FNDC3B: variants seen among roughly 807,000 people sequenced by gnomAD.
The protein encoded by FNDC3B is fibronectin type III domain-containing protein 3B.
FNDC3B carries 12 observed loss-of-function variants against 151.5 expected under a neutral mutation model. That is an observed-to-expected ratio of 0.08 (90% CI 0.05 to 0.13). The LOEUF is 0.13. FNDC3B is among the 10% of genes least tolerant of loss of function. The probability of loss-of-function intolerance (pLI) is 1.00; values close to 1 mark genes in which losing one functional copy is unlikely to be tolerated. For missense variants in FNDC3B, 1,214 were observed against 1,505.3 expected (o/e 0.81, Z 3.20); for synonymous variants, 528 against 549.0 (o/e 0.96, Z 0.54).
At chr3:172,210,648 G>A (rs1176434023) in intron 3 of FNDC3B, among the ~76,000 whole-genome samples, 1 of 152,090 alleles carries the variant, frequency 6.6e-6, no homozygotes, top group East Asian at 1.9e-4. Flanking sequence ...GAGTCACCGT[G>A]CCTGGCAAAA....
chr3:172,083,046 G>A (rs1293264437), intron 1 of FNDC3B, among the ~76,000 whole-genome samples: 3 of 152,184 alleles, frequency 2.0e-5, no homozygotes, highest in Admixed American at 1.3e-4. Context: ...CAAGTGTGGT[G>A]TGTAAGCTTA....
rs9843546 is a variant in FNDC3B at position 172,326,838 on chromosome 3, C to T, written c.1255-2114C>T. Among the ~76,000 whole-genome samples, 1,462 of 151,888 alleles carry T rather than the reference C, an allele frequency of 9.6e-3. 32 individuals carry two copies. The highest frequency in any genetic ancestry group is 0.034 in the African/African-American group (1,392 of 41,354). ...TTTTTTTACTGGCTACAGTTCTAAG[C>T]ACAAGAAAAGGGGAAAGGAGACCAA... is the stretch of plus-strand genomic sequence containing the variant. On this transcript the variant is annotated intron_variant, in intron 11 of 25. Coordinates refer to ENST00000415807, the MANE Select transcript of FNDC3B (RefSeq NM_022763.4).
intron 11 of FNDC3B, among the ~76,000 whole-genome samples, chr3:172,311,710 CAAA>C (rs58156426): frequency 0.023 from 2,755 of 121,462 alleles, 84 homozygotes; most frequent in African/African-American, 0.076. Flanking sequence ...ACTAAAAATA[CAAA>C]AAAAAAAAAA....
intron 9 of FNDC3B, chr3:172,302,592 T>G (rs555309285): frequency 1.3e-5 from 2 of 152,330 alleles, no homozygotes; most frequent in East Asian, 3.9e-4. Context: ...TCTCCTAATC[T>G]CCTAGTGGTG....
chr3:172,044,265 A>G (rs1455072163), intron 1 of FNDC3B, among the ~76,000 whole-genome samples: 2 of 131,770 alleles, frequency 1.5e-5, no homozygotes. Context: ...TTTGTATGGA[A>G]TAGTGAAAAT....
chr3:172,388,874 C>T (rs974141174), intron 25 of FNDC3B, among the ~76,000 whole-genome samples: 1 of 152,156 alleles, frequency 6.6e-6, no homozygotes, highest in African/African-American at 2.4e-5. Flanking sequence ...TATAATATAT[C>T]ATGTTGACAT....
In FNDC3B at chr3:172,353,034, A is replaced by G; in HGVS notation, c.2746A>G (p.Asn916Asp). 5 of 1,614,126 alleles carry G rather than the reference A, an allele frequency of 3.1e-6. No homozygotes were observed. Among genetic ancestry groups the G allele is most frequent in the Non-Finnish European group, 4.2e-6 (5 of 1,180,000 alleles). ...AGGAGACACTAGCATTACCGTGGGC[A>G]ACACCACCATGCATGTTATGAAAGA... ...DLGDTSITVG[N>D]TTMHVMKDLL... The change falls in exon 22 of 26, where the codon AAC becomes GAC. Residue 916 changes from asparagine (N) to aspartate (D), a missense_variant. Asn to Asp is a conservative substitution (Grantham distance 23). Transcript: ENST00000415807.
chr3:172,200,328 T>TA (rs374888994), intron 3 of FNDC3B, among the ~76,000 whole-genome samples: 1 of 152,360 alleles, frequency 6.6e-6, no homozygotes, highest in East Asian at 1.9e-4. Context: ...TGTTTTCTCT[T>TA]ATCAATGTTA....
chr3:172,206,684 A>AAAAAAAAAAAAAAAG (rs1553772985), intron 3 of FNDC3B, among the ~76,000 whole-genome samples: 5 of 139,454 alleles, frequency 3.6e-5, no homozygotes, highest in African/African-American at 1.1e-4. Context: ...AAAAAAAAAA[A>AAAAAAAAAAAAAAAG]AAAGTATATT....
At chr3:172,360,804 C>G (rs1384471296) in intron 22 of FNDC3B, among the ~76,000 whole-genome samples, 5 of 152,196 alleles carry the variant, frequency 3.3e-5, no homozygotes, top group Admixed American at 6.5e-5. Flanking sequence ...CTTCTCTTCA[C>G]TGGTACCACA....
At chr3:172,074,110 T>C (rs1717901226) in intron 1 of FNDC3B, among the ~76,000 whole-genome samples, 1 of 152,312 alleles carries the variant, frequency 6.6e-6, no homozygotes, top group Middle Eastern at 3.4e-3. Context: ...TGCAAATGAA[T>C]TGACAAGTGT....
chr3:172,171,795 A>G (rs1049457735), intron 3 of FNDC3B, among the ~76,000 whole-genome samples: 3 of 151,846 alleles, frequency 2.0e-5, no homozygotes, highest in Non-Finnish European at 4.4e-5. Flanking sequence ...TGAAATGAAA[A>G]AAAAAAAAAT....
chr3:172,236,025 CAAAT>C (rs1727145540), intron 4 of FNDC3B, among the ~76,000 whole-genome samples: 2 of 152,174 alleles, frequency 1.3e-5, no homozygotes, highest in Non-Finnish European at 2.9e-5. Context: ...CAACTGGGCA[CAAAT>C]AAAGCCATCA....
At chr3:172,289,899 C>T (rs1730232722) in intron 7 of FNDC3B, among the ~76,000 whole-genome samples, 1 of 152,178 alleles carries the variant, frequency 6.6e-6, no homozygotes, top group Non-Finnish European at 1.5e-5. Context: ...CCTCAGTTTC[C>T]TCATCTTTGA....
intron 11 of FNDC3B, among the ~76,000 whole-genome samples, chr3:172,324,101 G>A (rs772882608): frequency 2.6e-5 from 4 of 152,152 alleles, no homozygotes; most frequent in Admixed American, 1.3e-4. Flanking sequence ...AGGCACACTG[G>A]ACGGAACATA....
chr3:172,103,885 C>A (rs983923661), intron 1 of FNDC3B, among the ~76,000 whole-genome samples: 2 of 152,162 alleles, frequency 1.3e-5, no homozygotes, highest in Admixed American at 6.5e-5. Context: ...TGGGCACATA[C>A]CTCCAGGTAC....
At chr3:172,270,818 A>G (rs1002224999) in intron 6 of FNDC3B, among the ~76,000 whole-genome samples, 2 of 152,362 alleles carry the variant, frequency 1.3e-5, no homozygotes, top group South Asian at 4.1e-4. Flanking sequence ...TTTTCATCTA[A>G]AAAATTTCAT....
chr3:172,225,938 CTTG>C (rs1417628545), intron 3 of FNDC3B: 1 of 152,150 alleles, frequency 6.6e-6, no homozygotes, highest in African/African-American at 2.4e-5. Context: ...AAACAAATTT[CTTG>C]TTAATTTAAT....
chr3:172,188,445 C>T (rs907679905), intron 3 of FNDC3B, among the ~76,000 whole-genome samples: 4 of 149,704 alleles, frequency 2.7e-5, no homozygotes, highest in Non-Finnish European at 4.4e-5. Flanking sequence ...CTTGCTCTGT[C>T]GCCAGGCTGG....
Sources: allele counts gnomAD v4.1 joint callset (sites outside exome capture counted in the v4.1 genomes callset), GRCh38; gene constraint gnomAD v4.1.1; transcripts MANE v1.5; gene names NCBI Gene and HGNC (gene_info 2026-07-23, HGNC 2026-07-21).